TM4SF4: variants seen among roughly 807,000 people sequenced by gnomAD.
TM4SF4 encodes transmembrane 4 L six family member 4.
TM4SF4 carries 24 observed loss-of-function variants against 24.1 expected under a neutral mutation model. The observed-to-expected ratio is 1.00, with a 90% CI of 0.72 to 1.40. TM4SF4 has a LOEUF of 1.40. TM4SF4 is among the 40% of genes most tolerant of loss of function. TM4SF4 has a pLI of 0.00. For synonymous variants in TM4SF4, 113 were observed against 97.0 expected, an observed-to-expected ratio of 1.17 and a Z score of -0.97; for missense variants, 254 against 254.2, an observed-to-expected ratio of 1.00 and a Z score of 0.01.
chr3:149,474,818 GC>G lies in TM4SF4; in HGVS notation c.-56del. On this transcript the variant is annotated 5_prime_UTR_variant, in exon 1 of 5. Transcript: ENST00000305354. ...TCTCTGGCCAAAAACCCTTGAAGAG[GC>G]CCCGTGAAGGAGGCAGTGAGGAGCT... 2 of 1,522,790 alleles carry G rather than the reference GC, an allele frequency of 1.3e-6. No individual in the cohort carries two copies. Among genetic ancestry groups the G allele is most frequent in the Non-Finnish European group, 8.8e-7 (1 of 1,134,672 alleles). The allele number at this position is 1,522,790 out of a possible 1,614,324, so 94.3% of individuals were successfully genotyped here.
At chr3:149,480,942 C>T (rs148164215) in intron 2 of TM4SF4, among the ~76,000 whole-genome samples, 8,226 of 152,138 alleles carry the variant, frequency 0.054, 289 homozygotes, top group Admixed American at 0.078. Context: ...CTCGCTGCAA[C>T]CTCCGCCTCC....
intron 3 of TM4SF4, among the ~76,000 whole-genome samples, chr3:149,491,115 C>T (rs1734202489): frequency 6.6e-6 from 1 of 151,752 alleles, no homozygotes; most frequent in Non-Finnish European, 1.5e-5. Flanking sequence ...GGTTAATTTT[C>T]CCAGGGCTCC....
chr3:149,480,515 A>G (rs1734016446), intron 2 of TM4SF4, among the ~76,000 whole-genome samples: 1 of 151,966 alleles, frequency 6.6e-6, no homozygotes, highest in Non-Finnish European at 1.5e-5. Context: ...CCCTGTTTTG[A>G]AGAAAGGTCT....
intron 2 of TM4SF4, among the ~76,000 whole-genome samples, chr3:149,483,112 GC>G (rs1734063059): frequency 6.6e-6 from 1 of 151,958 alleles, no homozygotes; most frequent in South Asian, 2.1e-4. Flanking sequence ...AACTCAATCT[GC>G]CATATGTCAA....
Position 149,499,509 on chromosome 3 carries a change from CTGAT to C in TM4SF4, c.591+600_591+603del, listed in dbSNP as rs1576523649. ...ACAGACTTGCAGACAGTAAGACAGT[CTGAT>C]TATTTCAACTAATACCCAAATCAAA... On this transcript the variant is annotated intron_variant, in intron 4 of 4. Coordinates refer to ENST00000305354, the MANE Select transcript of TM4SF4 (RefSeq NM_004617.4). Among the ~76,000 whole-genome samples the C allele has an allele frequency of 2.0e-5, 3 of 152,282 alleles. 1 individual carries two copies.
At chr3:149,477,716 A>G (rs1200689400) in intron 2 of TM4SF4, among the ~76,000 whole-genome samples, 1 of 152,222 alleles carries the variant, frequency 6.6e-6, no homozygotes, top group Non-Finnish European at 1.5e-5. Flanking sequence ...TAAAAAACCC[A>G]CAATTTAATA....
At chr3:149,478,723 C>T (rs572919617) in intron 2 of TM4SF4, among the ~76,000 whole-genome samples, 2 of 152,296 alleles carry the variant, frequency 1.3e-5, no homozygotes, top group South Asian at 2.1e-4. Flanking sequence ...GCTGGGTAGC[C>T]AGCAGAAGGA....
rs1733893628 is a variant in TM4SF4, at chr3:149,474,801, CA to C, written c.-72del. ...GAGACAATTACAAGGACTCTCTGGC[CA>C]AAAACCCTTGAAGAGGCCCCGTGAA... On this transcript the variant is annotated 5_prime_UTR_variant, in exon 1 of 5. Transcript: ENST00000305354. 12 of 1,477,538 alleles carry C rather than the reference CA, an allele frequency of 8.1e-6. No homozygotes were observed. The South Asian group carries it at 1.3e-4, about 16-fold the overall frequency. 91.5% of individuals were successfully genotyped at this position (1,477,538 alleles called of 1,614,324 possible).
rs62958360 is a variant in TM4SF4, at chr3:149,479,366, C to CTT, written c.264+3467_264+3468dup. On this transcript the variant is annotated intron_variant, in intron 2 of 4. Transcript: ENST00000305354. ...TAATCATTTCTTTTTCTTTTCTTTTCTTTTTTTTTTTTTTGAGGTTATTGG... is the reference window on the plus strand; with the variant it reads ...TAATCATTTCTTTTTCTTTTCTTTTCTTTTTTTTTTTTTTTTGAGGTTATTGG... 3.8e-3 allele frequency among the ~76,000 whole-genome samples: 523 copies of CTT among 139,232 alleles called. 5 individuals are homozygous for CTT. The highest frequency in any genetic ancestry group is 0.011 in the African/African-American group (428 of 38,034). The allele number at this position is 139,232 out of a possible 152,430, so 91.3% of individuals were successfully genotyped here. A position where few individuals can be genotyped will look rare whatever the true frequency, so the allele number is the denominator to read the frequency against.
chr3:149,477,846 T>C (rs1733959483), intron 2 of TM4SF4, among the ~76,000 whole-genome samples: 1 of 152,188 alleles, frequency 6.6e-6, no homozygotes, highest in Non-Finnish European at 1.5e-5. Flanking sequence ...TGTGAACTTT[T>C]GGGGGATAGA....
At position 149,475,823 on chromosome 3, in the gene TM4SF4, A is replaced by G. The variant is rs570121541; in HGVS notation, c.175A>G (p.Met59Val). The G allele has an allele frequency of 1.7e-5, 28 of 1,609,006 alleles. No homozygotes were observed. In the South Asian group the frequency reaches 3.0e-4, roughly 17 times the overall value. The change falls in exon 2 of 5, where the codon ATG (methionine) becomes GTG (valine). Residue 59 changes from methionine (M) to valine (V), a missense_variant and splice_region_variant. Met to Val is a conservative substitution (Grantham distance 21). Coordinates refer to ENST00000305354, the MANE Select transcript of TM4SF4 (RefSeq NM_004617.4). ...TCTGAGGTGCCTCTTCTCCTGGTAG[A>G]TGATCTTCCCTGCGCTGGTGTTCTT... ...FGGILGSGVLMIFPALVFLGL... is the reference protein window; with the variant it reads ...FGGILGSGVLVIFPALVFLGL...
At chr3:149,502,644 A>C in intron 4 of TM4SF4, 32 bp from the exon 5 acceptor site, 1 of 1,571,714 alleles carries the variant, frequency 6.4e-7, no homozygotes, top group Non-Finnish European at 8.8e-7. Flanking sequence ...AAATCATGAC[A>C]TCATAGTTAA....
rs1254179944 is a variant in TM4SF4, at chr3:149,502,883, GT to G, written c.*193del. ...TTTTGTTATTTTCAAATAAAAAATAGTTTGGCCACTTAACAAATTTGATTTA... is the reference window on the plus strand; with the variant it reads ...TTTTGTTATTTTCAAATAAAAAATAGTTGGCCACTTAACAAATTTGATTTA... On this transcript the variant is annotated 3_prime_UTR_variant, in exon 5 of 5. Transcript: ENST00000305354. 2.1e-6 allele frequency: 1 copy of G among 476,486 alleles called. No individual in the cohort carries two copies. The highest frequency in any genetic ancestry group is 2.0e-5 in the African/African-American group (1 of 50,498). 29.5% of individuals were successfully genotyped at this position (476,486 alleles called of 1,614,324 possible). A position where few individuals can be genotyped will look rare whatever the true frequency, so the allele number is the denominator to read the frequency against.
At chr3:149,483,723 A>T (rs1734071243) in intron 2 of TM4SF4, among the ~76,000 whole-genome samples, 1 of 152,214 alleles carries the variant, frequency 6.6e-6, no homozygotes, top group South Asian at 2.1e-4. Context: ...AAATCATGTT[A>T]TATAAAATAT....
In TM4SF4 at chr3:149,483,853, T is replaced by C. The variant is rs1734073765; in HGVS notation, c.265-3766T>C. 2.6e-5 allele frequency among the ~76,000 whole-genome samples: 4 copies of C among 152,024 alleles called. No homozygotes were observed. The South Asian group carries it at 8.3e-4, about 32-fold the overall frequency. On this transcript the variant is annotated intron_variant, in intron 2 of 4. Coordinates refer to ENST00000305354, the MANE Select transcript of TM4SF4 (RefSeq NM_004617.4). ...TGGAGTGCAGCGGTGTGATCTCGGCTCGCTGCAACCCGTGCGTCCCATGCT... is the reference window on the plus strand; with the variant it reads ...TGGAGTGCAGCGGTGTGATCTCGGCCCGCTGCAACCCGTGCGTCCCATGCT...
At chr3:149,477,859 T>TTGGA (rs1056000300) in intron 2 of TM4SF4, among the ~76,000 whole-genome samples, 1 of 152,098 alleles carries the variant, frequency 6.6e-6, no homozygotes, top group African/African-American at 2.4e-5. Context: ...GGGATAGAAG[T>TTGGA]TGGAGATGAG....
intron 3 of TM4SF4, among the ~76,000 whole-genome samples, chr3:149,497,553 A>G (rs1438493226): frequency 6.6e-6 from 1 of 152,252 alleles, no homozygotes; most frequent in East Asian, 1.9e-4. Flanking sequence ...CTAAGAATGT[A>G]AAGAGTCATA....
At chr3:149,487,841 A>C in intron 3 of TM4SF4, 86 bp downstream of exon 3, 3 of 1,550,472 alleles carry the variant, frequency 1.9e-6, no homozygotes, top group African/African-American at 2.7e-5. Context: ...ACACAATGCC[A>C]TGTCTTCATC....
At chr3:149,483,057 A>G (rs1734062421) in intron 2 of TM4SF4, among the ~76,000 whole-genome samples, 1 of 151,868 alleles carries the variant, frequency 6.6e-6, no homozygotes, top group African/African-American at 2.4e-5. Context: ...CCCCTCCTTC[A>G]TAGAATCTGT....
Sources: allele counts gnomAD v4.1 joint callset (sites outside exome capture counted in the v4.1 genomes callset), GRCh38; gene constraint gnomAD v4.1.1; transcripts MANE v1.5; gene names NCBI Gene and HGNC (gene_info 2026-07-23, HGNC 2026-07-21).